The following DDR2 variants were observed in gnomAD, a reference collection of about 807,000 sequenced individuals.
DDR2 encodes the protein discoidin domain receptor tyrosine kinase 2, also known as discoidin domain-containing receptor 2.
A neutral mutation model predicts 94.9 loss-of-function variants in DDR2; 27 were observed. The ratio of observed to expected loss-of-function variants is 0.28; its 90% CI spans 0.21 to 0.39. DDR2 has a LOEUF of 0.39. DDR2 is among the 10% of genes least tolerant of loss of function. DDR2 has a pLI of 1.00. For synonymous variants in DDR2, 382 were observed against 377.2 expected (o/e 1.01, Z -0.15); for missense variants, 783 against 1,076.0 (o/e 0.73, Z 3.81).
chr1:162,773,964 A>C (rs1351643130), intron 14 of DDR2, among the ~76,000 whole-genome samples: 1 of 152,162 alleles, frequency 6.6e-6, no homozygotes, highest in South Asian at 2.1e-4. Flanking sequence ...TCAGAATCAC[A>C]CATGACTTTC....
In DDR2 at chr1:162,750,759, C is replaced by G. The variant is rs574183844; in HGVS notation, c.83-2336C>G. 4.8e-3 allele frequency among the ~76,000 whole-genome samples: 733 copies of G among 152,284 alleles called. 2 individuals are homozygous for G. Among genetic ancestry groups the G allele is most frequent in the African/African-American group, 0.017 (696 of 41,554 alleles). On this transcript the variant is annotated intron_variant, in intron 3 of 17. Coordinates refer to ENST00000367921, the MANE Select transcript of DDR2 (RefSeq NM_006182.4). Reference sequence around the variant, plus strand: ...GACTTCAAACTATACTACAAGGCTACAGTAACCAAAACAGCATGGTACTGG... The same window carrying G: ...GACTTCAAACTATACTACAAGGCTAGAGTAACCAAAACAGCATGGTACTGG...
At chr1:162,716,256 C>A (rs1661163187) in intron 2 of DDR2, among the ~76,000 whole-genome samples, 1 of 152,104 alleles carries the variant, frequency 6.6e-6, no homozygotes, top group Non-Finnish European at 1.5e-5. Context: ...AGAGGTGCCA[C>A]AGGAGAGAGA....
At chr1:162,751,881 CA>C (rs1663222101) in intron 3 of DDR2, among the ~76,000 whole-genome samples, 1 of 152,164 alleles carries the variant, frequency 6.6e-6, no homozygotes, top group African/African-American at 2.4e-5. Flanking sequence ...ATCATTTGAG[CA>C]AACTATCGCA....
intron 2 of DDR2, among the ~76,000 whole-genome samples, chr1:162,677,339 T>C (rs1659182076): frequency 6.6e-6 from 1 of 152,200 alleles, no homozygotes; most frequent in Non-Finnish European, 1.5e-5. Flanking sequence ...GAAGACTTAG[T>C]CAAGAGGGCA....
intron 4 of DDR2, 124 bp downstream of exon 4, chr1:162,753,321 A>G: frequency 1.2e-6 from 1 of 867,960 alleles, no homozygotes; most frequent in East Asian, 2.8e-5. Flanking sequence ...GAAATGAAGG[A>G]CAGACAGCAA....
chr1:162,669,239 C>T (rs970265490), intron 2 of DDR2, among the ~76,000 whole-genome samples: 9 of 152,054 alleles, frequency 5.9e-5, no homozygotes, highest in African/African-American at 9.7e-5. Context: ...TTACTATAAC[C>T]GAATATAACA....
intron 2 of DDR2, among the ~76,000 whole-genome samples, chr1:162,656,546 AATTTGC>A (rs1657974420): frequency 6.6e-6 from 1 of 151,746 alleles, no homozygotes; most frequent in Non-Finnish European, 1.5e-5. Context: ...ATTGCCTTCA[AATTTGC>A]CTTTTCTTCC....
At chr1:162,663,125 C>G (rs1658387659) in intron 2 of DDR2, among the ~76,000 whole-genome samples, 1 of 152,154 alleles carries the variant, frequency 6.6e-6, no homozygotes, top group African/African-American at 2.4e-5. Flanking sequence ...TCTCCTGCCC[C>G]CCAAATCTCC....
At chr1:162,666,895 T>C (rs1284788023) in intron 2 of DDR2, among the ~76,000 whole-genome samples, 3 of 149,642 alleles carry the variant, frequency 2.0e-5, no homozygotes, top group Non-Finnish European at 4.4e-5. Flanking sequence ...CATATATATA[T>C]ATTTTTTATA....
intron 2 of DDR2, among the ~76,000 whole-genome samples, chr1:162,696,417 G>A (rs967120441): frequency 6.6e-6 from 1 of 151,744 alleles, no homozygotes; most frequent in Non-Finnish European, 1.5e-5. Flanking sequence ...CCCCCTCTCA[G>A]GCCTCTGGGC....
intron 1 of DDR2, among the ~76,000 whole-genome samples, chr1:162,645,630 A>T (rs1022021978): frequency 6.6e-6 from 1 of 152,220 alleles, no homozygotes; most frequent in Non-Finnish European, 1.5e-5. Context: ...ATTTAAATGT[A>T]TTAATTTCAT....
At chr1:162,767,788 T>C (rs1441165005) in intron 11 of DDR2, among the ~76,000 whole-genome samples, 1 of 152,038 alleles carries the variant, frequency 6.6e-6, no homozygotes, top group Non-Finnish European at 1.5e-5. Context: ...CTCATCTTTT[T>C]CACTTTGCTT....
At chr1:162,739,681 G>T (rs1035146911) in intron 3 of DDR2, among the ~76,000 whole-genome samples, 1 of 152,158 alleles carries the variant, frequency 6.6e-6, no homozygotes, top group African/African-American at 2.4e-5. Context: ...TGAATAGTGT[G>T]AGCGGAAGAA....
chr1:162,761,113 G>C (rs902517084), intron 8 of DDR2, 98 bp from the exon 9 acceptor site: 3 of 1,559,282 alleles, frequency 1.9e-6, no homozygotes, highest in African/African-American at 2.7e-5. Flanking sequence ...AGAATAGCTC[G>C]AATCAGGGTA....
chr1:162,644,885 C>A (rs1018525478), intron 1 of DDR2, among the ~76,000 whole-genome samples: 15 of 152,250 alleles, frequency 9.9e-5, no homozygotes, highest in Middle Eastern at 3.4e-3. Context: ...CATGAGTCAC[C>A]ACGCCCAGCC....
At chr1:162,741,913 G>A (rs1450418021) in intron 3 of DDR2, among the ~76,000 whole-genome samples, 1 of 152,198 alleles carries the variant, frequency 6.6e-6, no homozygotes, top group African/African-American at 2.4e-5. Context: ...AGGGATTAGA[G>A]CAGGCCCCTG....
chr1:162,650,302 A>G lies in DDR2; in HGVS notation c.-191-4909A>G, dbSNP rs1571145021. On this transcript the variant is annotated intron_variant, in intron 1 of 17. Transcript: ENST00000367921. ...CCTCCTCCACGTTAAAAAAAAAATA[A>G]TAATAATAACAGGCCAGGTGTGGTG... 2.0e-5 allele frequency among the ~76,000 whole-genome samples: 3 copies of G among 151,852 alleles called. No individual in the cohort carries two copies. In the East Asian group the frequency reaches 5.8e-4, roughly 29 times the overall value.
chr1:162,636,434 G>T (rs1181511763), intron 1 of DDR2, among the ~76,000 whole-genome samples: 3 of 152,206 alleles, frequency 2.0e-5, no homozygotes, highest in Non-Finnish European at 4.4e-5. Flanking sequence ...TCTGTGGCTT[G>T]TGATTTGTGC....
At chr1:162,671,028 G>C (rs1052356560) in intron 2 of DDR2, among the ~76,000 whole-genome samples, 3 of 152,112 alleles carry the variant, frequency 2.0e-5, no homozygotes, top group African/African-American at 7.2e-5. Flanking sequence ...TGAGGGGTGT[G>C]GTCTGTGAAG....
Sources: allele counts gnomAD v4.1 joint callset (sites outside exome capture counted in the v4.1 genomes callset), GRCh38; gene constraint gnomAD v4.1.1; transcripts MANE v1.5; gene names NCBI Gene and HGNC (gene_info 2026-07-23, HGNC 2026-07-21).